The following SHISA9 variants were observed in gnomAD, a reference collection of about 807,000 sequenced individuals.
SHISA9 encodes the protein protein shisa-9.
Under a neutral mutation model 38.0 loss-of-function variants are expected in SHISA9, and 13 were observed. The ratio of observed to expected loss-of-function variants is 0.34; its 90% CI spans 0.22 to 0.54. The LOEUF is 0.54. Ranked by LOEUF, SHISA9 falls within the 20% of genes least tolerant of loss-of-function variation. SHISA9 has a pLI of 0.91. For missense variants in SHISA9, 538 were observed against 575.8 expected (o/e 0.93, Z 0.67); for synonymous variants, 275 against 242.0 (o/e 1.14, Z -1.27).
chr16:13,059,166 C>T (rs948723214), intron 2 of SHISA9, among the ~76,000 whole-genome samples: 1 of 138,574 alleles, frequency 7.2e-6, no homozygotes, highest in Non-Finnish European at 1.5e-5. Context: ...CTCACTCTGT[C>T]GCCCAGGCTG....
Position 13,017,991 on chromosome 16 carries a change from C to T in SHISA9, c.691+101176C>T, listed in dbSNP as rs182151638. ...AAATTTTTGGCTACTTAAAAGAGAA[C>T]GTTCTGGACTTGGCTTTCTTCCTTA... On this transcript the variant is annotated intron_variant, in intron 2 of 4. Coordinates refer to ENST00000558583, the MANE Select transcript of SHISA9 (RefSeq NM_001145204.3). Among the ~76,000 whole-genome samples the T allele has an allele frequency of 5.9e-5, 9 of 152,282 alleles. No individual in the cohort carries two copies. The South Asian group carries it at 6.2e-4, about 11-fold the overall frequency.
intron 2 of SHISA9, among the ~76,000 whole-genome samples, chr16:13,171,014 T>G (rs2050681139): frequency 6.6e-6 from 1 of 152,202 alleles, no homozygotes; most frequent in Non-Finnish European, 1.5e-5. Context: ...TTTATTTGAT[T>G]CACCCTTCTG....
the SHISA9 span, among the ~76,000 whole-genome samples, chr16:13,332,145 CTCT>C: frequency 1.3e-5 from 2 of 152,096 alleles, no homozygotes; most frequent in East Asian, 3.9e-4. Flanking sequence ...AAGAGAGGCC[CTCT>C]GCTGGTATAC....
chr16:13,221,186 G>A (rs1259607666), intron 4 of SHISA9, among the ~76,000 whole-genome samples: 1 of 152,184 alleles, frequency 6.6e-6, no homozygotes, highest in African/African-American at 2.4e-5. Context: ...AGGGCCAGAT[G>A]CCCCGTGCTT....
At position 12,923,170 on chromosome 16, in the gene SHISA9, G is replaced by A. The variant is rs1048153321; in HGVS notation, c.691+6355G>A. Among the ~76,000 whole-genome samples, 6 of 152,136 alleles carry A rather than the reference G, an allele frequency of 3.9e-5. No homozygotes were observed. The East Asian group carries it at 1.2e-3, about 29-fold the overall frequency. ...TTGATGAATGAGAAAATTGAGATTG[G>A]TGGAAATTAAAGAACTAATCTACCA... On this transcript the variant is annotated intron_variant, in intron 2 of 4. Coordinates refer to ENST00000558583, the MANE Select transcript of SHISA9 (RefSeq NM_001145204.3).
chr16:12,939,308 T>C (rs1159158188), intron 2 of SHISA9, among the ~76,000 whole-genome samples: 1 of 152,188 alleles, frequency 6.6e-6, no homozygotes, highest in Non-Finnish European at 1.5e-5. Context: ...GGTCTCAAAC[T>C]CCTGACCTCA....
chr16:13,408,366 A>G, the SHISA9 span, among the ~76,000 whole-genome samples: 26 of 152,352 alleles, frequency 1.7e-4, no homozygotes, highest in Admixed American at 1.0e-3. Context: ...GCCAAACATC[A>G]TAAAGCATTT....
the SHISA9 span, among the ~76,000 whole-genome samples, chr16:13,367,733 CACACACACACACACA>C: frequency 6.9e-6 from 1 of 145,912 alleles, no homozygotes; most frequent in African/African-American, 2.5e-5. Flanking sequence ...CACACACACA[CACACACACACACACA>C]CCCCTGAATT....
At chr16:13,504,814 T>C in the SHISA9 span, among the ~76,000 whole-genome samples, 4 of 152,194 alleles carry the variant, frequency 2.6e-5, no homozygotes, top group Non-Finnish European at 4.4e-5. Flanking sequence ...ATTGTTCTCG[T>C]CTGTGATTCA....
At chr16:13,141,221 A>T (rs1001396226) in intron 2 of SHISA9, among the ~76,000 whole-genome samples, 2 of 152,068 alleles carry the variant, frequency 1.3e-5, no homozygotes, top group African/African-American at 4.8e-5. Context: ...TTTTCTACGC[A>T]GGTTTTTTTC....
chr16:13,134,372 G>C lies in SHISA9; in HGVS notation c.692-69022G>C, dbSNP rs1189567474. Among the ~76,000 whole-genome samples, 3 of 152,186 alleles carry C rather than the reference G, an allele frequency of 2.0e-5. 1 individual carries two copies. In the South Asian group the frequency reaches 6.2e-4, roughly 32 times the overall value. On this transcript the variant is annotated intron_variant, in intron 2 of 4. Coordinates refer to ENST00000558583, the MANE Select transcript of SHISA9 (RefSeq NM_001145204.3). ...ATTTATTCCAGTAAATATTTGTTGA[G>C]CCTCTCTTGAGTGCCTGACAATGTG...
chr16:13,197,104 T>TATATACAC (rs748572860), intron 2 of SHISA9, among the ~76,000 whole-genome samples: 44 of 106,576 alleles, frequency 4.1e-4, no homozygotes, highest in African/African-American at 1.9e-3. Flanking sequence ...TCTCTGTACA[T>TATATACAC]ACACACACAC....
At chr16:13,300,019 C>T in the SHISA9 span, among the ~76,000 whole-genome samples, 4 of 152,134 alleles carry the variant, frequency 2.6e-5, no homozygotes, top group African/African-American at 9.7e-5. Flanking sequence ...TTATGTTTTA[C>T]TGCCACTTCC....
chr16:13,104,334 G>A (rs758485758), intron 2 of SHISA9, among the ~76,000 whole-genome samples: 2 of 152,012 alleles, frequency 1.3e-5, no homozygotes, highest in Non-Finnish European at 2.9e-5. Context: ...ACGACCCAGC[G>A]ATTTCCCTCC....
chr16:13,526,667 T>C, the SHISA9 span, among the ~76,000 whole-genome samples: 13 of 152,202 alleles, frequency 8.5e-5, no homozygotes, highest in Middle Eastern at 3.2e-3. Context: ...ATTACAGGCA[T>C]GAACTACCAG....
chr16:13,481,983 G>A, the SHISA9 span, among the ~76,000 whole-genome samples: 35,348 of 152,086 alleles, frequency 0.23, 4,200 homozygotes, highest in Non-Finnish European at 0.25. Flanking sequence ...CACTGACACA[G>A]CACTCTTTAC....
chr16:12,926,107 C>G (rs756414156), intron 2 of SHISA9, among the ~76,000 whole-genome samples: 48 of 152,146 alleles, frequency 3.2e-4, no homozygotes, highest in Non-Finnish European at 6.3e-4. Context: ...GAAACTGTGA[C>G]TCAGAGAGTT....
intron 2 of SHISA9, among the ~76,000 whole-genome samples, chr16:13,009,652 C>G (rs1007186229): frequency 3.9e-5 from 6 of 152,170 alleles, no homozygotes; most frequent in African/African-American, 1.4e-4. Context: ...GAGTCTCAAA[C>G]ACACACTAAA....
chr16:13,135,612 C>G (rs1487124197), intron 2 of SHISA9, among the ~76,000 whole-genome samples: 1 of 152,202 alleles, frequency 6.6e-6, no homozygotes, highest in East Asian at 1.9e-4. Context: ...GCCTTCCTGT[C>G]ACAGGTGTTG....
Sources: gnomAD v4.1 joint callset for allele counts (sites outside exome capture counted in the v4.1 genomes callset) on GRCh38, gnomAD v4.1.1 for gene constraint, MANE v1.5 for transcripts, NCBI Gene and HGNC (gene_info 2026-07-23, HGNC 2026-07-21) for gene names.